The following ARHGAP32 variants were observed in gnomAD, a reference collection of about 807,000 sequenced individuals.
ARHGAP32 encodes the protein Rho GTPase activating protein 32, also known as rho GTPase-activating protein 32.
A neutral mutation model predicts 186.5 loss-of-function variants in ARHGAP32; 51 were observed. The ratio of observed to expected loss-of-function variants is 0.27; its 90% CI spans 0.22 to 0.35. ARHGAP32 has a LOEUF of 0.35. Among genes scored for constraint, ARHGAP32 ranks in the 10% least tolerant of loss-of-function variants. ARHGAP32 has a pLI of 1.00. For missense variants in ARHGAP32, 2,186 were observed against 2,623.5 expected, an observed-to-expected ratio of 0.83 and a Z score of 3.64; for synonymous variants, 950 against 964.3, an observed-to-expected ratio of 0.99 and a Z score of 0.27.
chr11:129,169,301 G>A, intron 1 of ARHGAP32, among the ~76,000 whole-genome samples: 1 of 152,050 alleles, frequency 6.6e-6, no homozygotes, highest in Middle Eastern at 3.4e-3. Context: ...ATAATAAAAA[G>A]GGAGCCATAA....
chr11:129,083,133 G>T, intron 6 of ARHGAP32, among the ~76,000 whole-genome samples: 1 of 151,950 alleles, frequency 6.6e-6, no homozygotes, highest in Non-Finnish European at 1.5e-5. Flanking sequence ...GGGAAAACTG[G>T]TGAGAATGTA....
intron 2 of ARHGAP32, chr11:129,125,755 T>C (rs926584130): frequency 4.1e-6 from 1 of 246,796 alleles, no homozygotes; most frequent in African/African-American, 2.2e-5. Flanking sequence ...TAAACCTTGT[T>C]ACATCATCAC....
intron 1 of ARHGAP32, among the ~76,000 whole-genome samples, chr11:129,234,242 T>C (rs1231022551): frequency 6.6e-6 from 1 of 152,094 alleles, no homozygotes; most frequent in Non-Finnish European, 1.5e-5. Flanking sequence ...CTGTAAACTA[T>C]TACATTTCAA....
At chr11:129,133,919 C>A (rs1942876870) in intron 2 of ARHGAP32, among the ~76,000 whole-genome samples, 1 of 152,008 alleles carries the variant, frequency 6.6e-6, no homozygotes, top group Non-Finnish European at 1.5e-5. Flanking sequence ...GTTGAAAGCA[C>A]AAATTATAAA....
chr11:129,087,093 A>G (rs1941430685), intron 6 of ARHGAP32, among the ~76,000 whole-genome samples: 2 of 152,236 alleles, frequency 1.3e-5, no homozygotes, highest in Admixed American at 1.3e-4. Flanking sequence ...CACTGACAAC[A>G]AATGCTGGCA....
At chr11:129,033,719 C>T (rs1224481461) in intron 11 of ARHGAP32, among the ~76,000 whole-genome samples, 1 of 152,176 alleles carries the variant, frequency 6.6e-6, no homozygotes, top group Non-Finnish European at 1.5e-5. Context: ...CTTTCACATA[C>T]AGATTTGTAA....
intron 11 of ARHGAP32, among the ~76,000 whole-genome samples, chr11:129,001,454 T>C (rs1049150498): frequency 6.6e-6 from 1 of 152,246 alleles, no homozygotes; most frequent in Non-Finnish European, 1.5e-5. Flanking sequence ...GCCCATTTGT[T>C]AATCAAATTA....
intron 11 of ARHGAP32, among the ~76,000 whole-genome samples, chr11:129,037,329 AC>A (rs774582265): frequency 1.3e-5 from 2 of 150,500 alleles, no homozygotes. Flanking sequence ...AGACATTGCT[AC>A]AAAAAACTAA....
At chr11:128,990,566 A>C (rs1401052671) in intron 12 of ARHGAP32, among the ~76,000 whole-genome samples, 1 of 152,236 alleles carries the variant, frequency 6.6e-6, no homozygotes, top group Non-Finnish European at 1.5e-5. Context: ...TTCAGTAACA[A>C]GAAAAGGTTA....
In ARHGAP32 at chr11:128,968,580, T is replaced by G. The variant is rs1945270930; in HGVS notation, c.*327A>C. On this transcript the variant is annotated 3_prime_UTR_variant, in exon 23 of 23. Coordinates refer to ENST00000682385, the MANE Select transcript of ARHGAP32 (RefSeq NM_001378024.1). ...AAGAAAGGACAATGCTGAATTCAAATTCAGTTAAAGGCAGTCCTCAGGCTC... is the reference window on the plus strand; with the variant it reads ...AAGAAAGGACAATGCTGAATTCAAAGTCAGTTAAAGGCAGTCCTCAGGCTC... 5.0e-6 allele frequency: 1 copy of G among 198,376 alleles called. No individual in the cohort carries two copies. Among genetic ancestry groups the G allele is most frequent in the African/African-American group, 2.3e-5 (1 of 43,312 alleles). 12.3% of individuals were successfully genotyped at this position (198,376 alleles called of 1,614,324 possible).
chr11:129,228,795 C>T (rs960818896), intron 1 of ARHGAP32, among the ~76,000 whole-genome samples: 1 of 152,092 alleles, frequency 6.6e-6, no homozygotes, highest in African/African-American at 2.4e-5. Context: ...TGCAGGATAC[C>T]ACCATGGCAT....
chr11:129,161,280 C>CA (rs968672564), intron 2 of ARHGAP32, among the ~76,000 whole-genome samples: 11 of 149,468 alleles, frequency 7.4e-5, no homozygotes, highest in South Asian at 4.3e-4. Context: ...AAAGCAATAG[C>CA]AAAAAAAAAG....
At chr11:129,080,165 T>C (rs573026407) in intron 6 of ARHGAP32, among the ~76,000 whole-genome samples, 6 of 152,240 alleles carry the variant, frequency 3.9e-5, no homozygotes, top group South Asian at 2.1e-4. Context: ...GGGACTTCAA[T>C]ACTCTCCTGA....
chr11:129,201,068 T>G (rs1424497357), intron 1 of ARHGAP32, among the ~76,000 whole-genome samples: 1 of 152,152 alleles, frequency 6.6e-6, no homozygotes, highest in Non-Finnish European at 1.5e-5. Flanking sequence ...AAACCCATAT[T>G]CTTCCTTCAT....
intron 12 of ARHGAP32, among the ~76,000 whole-genome samples, chr11:128,995,069 GA>G (rs971893287): frequency 1.3e-5 from 2 of 150,088 alleles, no homozygotes; most frequent in Middle Eastern, 3.4e-3. Context: ...AGACAACTAA[GA>G]AAAAAAAATC....
chr11:129,212,023 T>C (rs1339881073), intron 1 of ARHGAP32, among the ~76,000 whole-genome samples: 1 of 151,924 alleles, frequency 6.6e-6, no homozygotes. Flanking sequence ...GCATGCCTGG[T>C]GCATGCCTGC....
At chr11:129,105,701 A>G (rs1396603106) in intron 5 of ARHGAP32, among the ~76,000 whole-genome samples, 3 of 152,166 alleles carry the variant, frequency 2.0e-5, no homozygotes, top group Non-Finnish European at 4.4e-5. Context: ...GAGTTACTAC[A>G]CTATAATATT....
intron 1 of ARHGAP32, among the ~76,000 whole-genome samples, chr11:129,218,763 G>A (rs1454361399): frequency 6.6e-6 from 1 of 152,056 alleles, no homozygotes; most frequent in African/African-American, 2.4e-5. Context: ...AAACTATTCA[G>A]GATGACAATG....
rs1945196213 is a variant in ARHGAP32 at position 128,965,258 on chromosome 11, G to GA, written c.*3648dup. ...AGCTTCAAATAAGTTTGCAAGAAAT[G>GA]AGACTCTAAATATTTACATATGGGG... On this transcript the variant is annotated 3_prime_UTR_variant, in exon 23 of 23. Coordinates refer to ENST00000682385, the MANE Select transcript of ARHGAP32 (RefSeq NM_001378024.1). The GA allele has an allele frequency of 7.0e-6, 1 of 143,128 alleles. No individual in the cohort carries two copies. The highest frequency in any genetic ancestry group is 1.5e-5 in the Non-Finnish European group (1 of 66,584). The allele number at this position is 143,128 out of a possible 1,614,324, so 8.9% of individuals were successfully genotyped here.
Sources: allele counts gnomAD v4.1 joint callset (sites outside exome capture counted in the v4.1 genomes callset), GRCh38; gene constraint gnomAD v4.1.1; transcripts MANE v1.5; gene names NCBI Gene and HGNC (gene_info 2026-07-23, HGNC 2026-07-21).